The following CSMD1 variants were observed in gnomAD, a reference collection of about 807,000 sequenced individuals.
The protein encoded by CSMD1 is CUB and sushi domain-containing protein 1.
A neutral mutation model predicts 417.5 loss-of-function variants in CSMD1; 213 were observed. The ratio of observed to expected loss-of-function variants is 0.51; its 90% CI spans 0.46 to 0.57. The LOEUF (loss-of-function observed/expected upper bound fraction) is 0.57. Among genes scored for constraint, CSMD1 ranks in the 20% least tolerant of loss-of-function variants. The pLI is 0.00. For missense variants in CSMD1, 6,923 were observed against 4,529.7 expected (o/e 1.53, Z -15.17); for synonymous variants, 2,862 against 1,736.8 (o/e 1.65, Z -16.11).
intron 3 of CSMD1, among the ~76,000 whole-genome samples, chr8:4,269,925 G>A (rs913267902): frequency 7.9e-5 from 12 of 152,126 alleles, no homozygotes; most frequent in East Asian, 1.9e-4. Context: ...GAAGAAGGGC[G>A]TTCAAGCCAA....
At chr8:4,154,661 C>G (rs970463301) in intron 3 of CSMD1, among the ~76,000 whole-genome samples, 1 of 152,154 alleles carries the variant, frequency 6.6e-6, no homozygotes, top group Non-Finnish European at 1.5e-5. Context: ...ATTCTAGTCC[C>G]TTAGTTGATA....
chr8:4,832,529 A>C (rs1375338309), intron 1 of CSMD1, among the ~76,000 whole-genome samples: 1 of 152,208 alleles, frequency 6.6e-6, no homozygotes, highest in Non-Finnish European at 1.5e-5. Context: ...GAGCTAAAAC[A>C]TGGAGGCATG....
At chr8:4,393,778 C>A (rs532622585) in intron 3 of CSMD1, among the ~76,000 whole-genome samples, 1 of 152,188 alleles carries the variant, frequency 6.6e-6, no homozygotes, top group Non-Finnish European at 1.5e-5. Context: ...GAAAAAGCTG[C>A]AATCCTTAAC....
Position 4,229,393 on chromosome 8 carries a change from A to G in CSMD1, c.415+190560T>C, listed in dbSNP as rs989424357. Among the ~76,000 whole-genome samples, 8 of 152,208 alleles carry G rather than the reference A, an allele frequency of 5.3e-5. No homozygotes were observed. The East Asian group carries it at 9.6e-4, about 18-fold the overall frequency. ...CAAAGCAGCCCTAAGATTCTCTTAG[A>G]TCACAAGCTAGATCATACCTACCAC... On this transcript the variant is annotated intron_variant, in intron 3 of 69. Coordinates refer to ENST00000635120, the MANE Select transcript of CSMD1 (RefSeq NM_033225.6).
intron 2 of CSMD1, among the ~76,000 whole-genome samples, chr8:4,486,371 G>A (rs1018719898): frequency 1.3e-5 from 2 of 149,736 alleles, no homozygotes; most frequent in African/African-American, 2.5e-5. Context: ...TCTTAAACAT[G>A]TATATCTCCT....
At chr8:4,565,585 A>C (rs1798556971) in intron 2 of CSMD1, among the ~76,000 whole-genome samples, 1 of 151,746 alleles carries the variant, frequency 6.6e-6, no homozygotes, top group African/African-American at 2.4e-5. Flanking sequence ...AAATACAAAA[A>C]TTAGCTGGGT....
At chr8:4,398,410 T>G (rs11778472) in intron 3 of CSMD1, among the ~76,000 whole-genome samples, 1 of 136,226 alleles carries the variant, frequency 7.3e-6, no homozygotes, top group Admixed American at 7.5e-5. Context: ...TTTTTTTTTG[T>G]GAGATAGAGT....
chr8:4,306,688 C>A (rs1243731998), intron 3 of CSMD1, among the ~76,000 whole-genome samples: 4 of 152,092 alleles, frequency 2.6e-5, no homozygotes, highest in Non-Finnish European at 5.9e-5. Context: ...CACATGCTCT[C>A]CTCTTCCAAA....
chr8:4,930,030 CA>C (rs1807141592), intron 1 of CSMD1, among the ~76,000 whole-genome samples: 1 of 152,176 alleles, frequency 6.6e-6, no homozygotes, highest in Non-Finnish European at 1.5e-5. Flanking sequence ...AAGAAAGGAA[CA>C]GGGGTGCACG....
intron 2 of CSMD1, among the ~76,000 whole-genome samples, chr8:4,438,357 C>A (rs1470833328): frequency 2.0e-5 from 3 of 152,162 alleles, no homozygotes; most frequent in Non-Finnish European, 1.5e-5. Context: ...TCCTGCATCA[C>A]CCCTTTCTCA....
chr8:3,340,680 G>T (rs1807585997), intron 23 of CSMD1, among the ~76,000 whole-genome samples: 1 of 152,090 alleles, frequency 6.6e-6, no homozygotes, highest in Non-Finnish European at 1.5e-5. Context: ...GGGAGCTGGG[G>T]ATTTCTTCAG....
intron 5 of CSMD1, among the ~76,000 whole-genome samples, chr8:3,838,961 TTAA>T (rs1175786375): frequency 4.0e-5 from 4 of 101,256 alleles, no homozygotes; most frequent in African/African-American, 1.3e-4. Context: ...TATCTATAAA[TTAA>T]TATTATATAT....
chr8:4,646,581 T>A (rs1257105088), intron 1 of CSMD1, among the ~76,000 whole-genome samples: 1 of 152,238 alleles, frequency 6.6e-6, no homozygotes, highest in African/African-American at 2.4e-5. Flanking sequence ...TGTTCGCATA[T>A]ACAAATTCTT....
At chr8:3,679,622 T>A (rs946237150) in intron 7 of CSMD1, among the ~76,000 whole-genome samples, 1 of 152,046 alleles carries the variant, frequency 6.6e-6, no homozygotes, top group African/African-American at 2.4e-5. Flanking sequence ...ATCAGACAGA[T>A]CAACAAGACA....
intron 3 of CSMD1, among the ~76,000 whole-genome samples, chr8:4,417,834 C>T (rs1316896141): frequency 3.9e-5 from 6 of 151,926 alleles, no homozygotes; most frequent in African/African-American, 1.4e-4. Context: ...TTATTTTATG[C>T]ACTCTTAATA....
At chr8:4,203,560 T>C (rs75784210) in intron 3 of CSMD1, among the ~76,000 whole-genome samples, 2 of 152,050 alleles carry the variant, frequency 1.3e-5, no homozygotes, top group African/African-American at 2.4e-5. Context: ...GGGTGTGAAT[T>C]TGGAAGTCAG....
intron 5 of CSMD1, among the ~76,000 whole-genome samples, chr8:3,866,773 G>T (rs559437194): frequency 6.6e-6 from 1 of 152,226 alleles, no homozygotes; most frequent in East Asian, 1.9e-4. Context: ...GCAAAGTGAG[G>T]ACTCTTTCCT....
intron 1 of CSMD1, among the ~76,000 whole-genome samples, chr8:4,915,810 C>G (rs755730175): frequency 8.5e-5 from 13 of 152,212 alleles, no homozygotes; most frequent in Non-Finnish European, 1.0e-4. Context: ...TACTTGGCAT[C>G]TTGGCCACAC....
intron 5 of CSMD1, among the ~76,000 whole-genome samples, chr8:3,801,959 T>C (rs952088714): frequency 4.6e-5 from 7 of 151,980 alleles, no homozygotes; most frequent in South Asian, 4.1e-4. Flanking sequence ...TGACTGATAA[T>C]AGGTACAGAA....
Sources: allele counts gnomAD v4.1 joint callset (sites outside exome capture counted in the v4.1 genomes callset), GRCh38; gene constraint gnomAD v4.1.1; transcripts MANE v1.5; gene names NCBI Gene and HGNC (gene_info 2026-07-23, HGNC 2026-07-21).